The following SLC5A10 variants were observed in gnomAD, a reference collection of about 807,000 sequenced individuals.
SLC5A10 encodes the protein solute carrier family 5 member 10, also known as sodium/mannose cotransporter SLC5A10.
In SLC5A10, 55 loss-of-function variants were observed where a neutral mutation model predicts 68.9. The observed-to-expected ratio is 0.80, with a 90% CI of 0.64 to 1.00. SLC5A10 has a LOEUF of 1.00. Among genes scored for constraint, SLC5A10 ranks in the 50% least tolerant of loss-of-function variants. SLC5A10 has a pLI of 0.00. For synonymous variants in SLC5A10, 344 were observed against 344.8 expected, an observed-to-expected ratio of 1.00 and a Z score of 0.02; for missense variants, 732 against 819.3, an observed-to-expected ratio of 0.89 and a Z score of 1.30.
chr17:19,020,547 T>TGTGA lies in SLC5A10; in HGVS notation c.*116_*117insGTGA. 1 of 982,800 alleles carries TGTGA rather than the reference T, an allele frequency of 1.0e-6. No homozygotes were observed. The highest frequency in any genetic ancestry group is 1.5e-6 in the Non-Finnish European group (1 of 668,058). 60.9% of individuals were successfully genotyped at this position (982,800 alleles called of 1,614,324 possible). A position where few individuals can be genotyped will look rare whatever the true frequency, so the allele number is the denominator to read the frequency against. ...ATTCCCCTCACAGCTGCACAGCAGC[T>TGTGA]CGGTGCCCAAGAACTGGCCAAGCCA... On this transcript the variant is annotated 3_prime_UTR_variant, in exon 15 of 15. Coordinates refer to ENST00000395645, the MANE Select transcript of SLC5A10 (RefSeq NM_001042450.4).
At chr17:18,967,852 G>A (rs965747884) in intron 5 of SLC5A10, among the ~76,000 whole-genome samples, 4 of 151,912 alleles carry the variant, frequency 2.6e-5, no homozygotes, top group Middle Eastern at 3.2e-3. Flanking sequence ...TTCTCTACTT[G>A]GGCTGGAGGC....
intron 1 of SLC5A10, among the ~76,000 whole-genome samples, chr17:18,955,440 G>A (rs2151990012): frequency 6.6e-6 from 1 of 152,342 alleles, no homozygotes; most frequent in Admixed American, 6.5e-5. Context: ...AGATCAAGAA[G>A]TTGAAGCCAA....
chr17:19,020,112 GCCATCC>G, intron 13 of SLC5A10, 37 bp from the exon 14 acceptor site: 44 of 551,428 alleles, frequency 8.0e-5, no homozygotes, highest in Non-Finnish European at 1.1e-4. Flanking sequence ...CCCCCACCCT[GCCATCC>G]CCCACCCCCA....
Position 18,971,780 on chromosome 17 carries a change from G to A in SLC5A10, c.846+562G>A. On this transcript the variant is annotated intron_variant, in intron 8 of 14. Coordinates refer to ENST00000395645, the MANE Select transcript of SLC5A10 (RefSeq NM_001042450.4). The surrounding 1 kb of genome is among the most constrained non-coding windows in gnomAD (Gnocchi z 5.5). ...GAGAGAGAGCAGAGAGTGAGGCTGA[G>A]CAAGAAGGGCCAACCCCGCCCCAGC... 1 of 1,526,736 alleles carries A rather than the reference G, an allele frequency of 6.5e-7. No individual in the cohort carries two copies. Among genetic ancestry groups the A allele is most frequent in the African/African-American group, 1.4e-5 (1 of 72,402 alleles). The allele number at this position is 1,526,736 out of a possible 1,614,324, so 94.6% of individuals were successfully genotyped here.
rs1243042139 is a variant in SLC5A10, at chr17:19,021,021, T to C, written c.*590T>C. On this transcript the variant is annotated 3_prime_UTR_variant, in exon 15 of 15. Transcript: ENST00000395645. This position sits in a 1 kb window ranked among gnomAD's most constrained non-coding sequence, Gnocchi z 4.1. ...CCAGGCTCTGGGCAGGCCCTGCTCA[T>C]ATCCCTGATCATGGCACATTCTCTG... The C allele has an allele frequency of 6.5e-6, 1 of 153,734 alleles. No homozygotes were observed. Among genetic ancestry groups the C allele is most frequent in the African/African-American group, 2.4e-5 (1 of 41,462 alleles). 9.5% of individuals were successfully genotyped at this position (153,734 alleles called of 1,614,324 possible). A position where few individuals can be genotyped will look rare whatever the true frequency, so the allele number is the denominator to read the frequency against.
chr17:18,967,628 T>C (rs2042738131), intron 5 of SLC5A10, among the ~76,000 whole-genome samples: 1 of 152,228 alleles, frequency 6.6e-6, no homozygotes, highest in Non-Finnish European at 1.5e-5. Context: ...GCAGTGACTG[T>C]AGGACAGAAG....
At chr17:19,014,466 T>C (rs1010202030) in intron 10 of SLC5A10, among the ~76,000 whole-genome samples, 5 of 152,166 alleles carry the variant, frequency 3.3e-5, no homozygotes, top group Non-Finnish European at 5.9e-5. Context: ...GGTCCTGCCA[T>C]GCACAGGAAG....
chr17:18,951,932 C>G (rs1261861588), upstream of SLC5A10: 7 of 445,124 alleles, frequency 1.6e-5, no homozygotes, highest in Admixed American at 2.8e-4. Flanking sequence ...CCCCAAGCCC[C>G]CTCCGAGTTC....
rs140476562 is a variant in SLC5A10, at chr17:18,996,946, C to T, written c.983-16464C>T. Among the ~76,000 whole-genome samples the T allele has an allele frequency of 5.9e-3, 906 of 152,316 alleles. 7 individuals carry two copies. Among genetic ancestry groups the T allele is most frequent in the African/African-American group, 0.02 (837 of 41,568 alleles). On this transcript the variant is annotated intron_variant, in intron 9 of 14. Coordinates refer to ENST00000395645, the MANE Select transcript of SLC5A10 (RefSeq NM_001042450.4). The surrounding 1 kb of genome is among the most constrained non-coding windows in gnomAD (Gnocchi z 4.4). ...CATGCCTTCCCTGGGTGGCCCATGG[C>T]GGGTCACTTCCCACTCTAAGCCTCA...
intron 8 of SLC5A10, among the ~76,000 whole-genome samples, chr17:18,972,051 T>C (rs2042869485): frequency 6.6e-6 from 1 of 151,928 alleles, no homozygotes; most frequent in Non-Finnish European, 1.5e-5. Context: ...CTGAATGGGG[T>C]TGTTGGAGGC....
At position 19,019,811 on chromosome 17, in the gene SLC5A10, G is replaced by GAA. The variant is rs2044224276; in HGVS notation, c.1509_1510insAA (p.Arg504AsnfsTer32). ...CCCCACCGTGCGGAGAGCCAGACAC[G>GAA]CGGCCAGCCGTCCTGGGGAGCATCC... On this transcript the variant is annotated frameshift_variant, in exon 13 of 15. Coordinates refer to ENST00000395645, the MANE Select transcript of SLC5A10 (RefSeq NM_001042450.4). LOFTEE classifies it high-confidence loss of function. 6.2e-7 allele frequency: 1 copy of GAA among 1,613,234 alleles called. No individual in the cohort carries two copies. Among genetic ancestry groups the GAA allele is most frequent in the Non-Finnish European group, 8.5e-7 (1 of 1,179,870 alleles).
At chr17:18,982,815 C>A (rs965183148) in intron 9 of SLC5A10, among the ~76,000 whole-genome samples, 1 of 152,234 alleles carries the variant, frequency 6.6e-6, no homozygotes, top group Non-Finnish European at 1.5e-5. Flanking sequence ...CATTCCTGAG[C>A]TCCAGTCAAA....
At chr17:18,967,078 G>A (rs1454921456) in intron 5 of SLC5A10, among the ~76,000 whole-genome samples, 5 of 152,302 alleles carry the variant, frequency 3.3e-5, no homozygotes, top group African/African-American at 1.2e-4. Flanking sequence ...AAGCTGCCCC[G>A]GCCCACAGAG....
At chr17:18,973,682 G>C (rs950182558) in intron 8 of SLC5A10, among the ~76,000 whole-genome samples, 6 of 152,096 alleles carry the variant, frequency 3.9e-5, no homozygotes, top group Non-Finnish European at 7.4e-5. Context: ...GCAGTTCTGT[G>C]TGTTGAGACC....
At chr17:19,016,630 C>A in intron 11 of SLC5A10, among the ~76,000 whole-genome samples, 1 of 152,182 alleles carries the variant, frequency 6.6e-6, no homozygotes, top group East Asian at 1.9e-4. Flanking sequence ...ACGCCAGAGG[C>A]GGGTGCGAGT....
chr17:18,973,152 C>A (rs545733276), intron 8 of SLC5A10, among the ~76,000 whole-genome samples: 1 of 152,336 alleles, frequency 6.6e-6, no homozygotes, highest in African/African-American at 2.4e-5. Flanking sequence ...GCACAGTAGG[C>A]AAGTGGTACC....
rs767942923 is a variant in SLC5A10, at chr17:19,003,538, C to T, written c.983-9872C>T. 6.5e-7 allele frequency: 1 copy of T among 1,540,394 alleles called. No individual in the cohort carries two copies. The highest frequency in any genetic ancestry group is 1.3e-5 in the South Asian group (1 of 79,458). ...GCCTCACCTTCTGTGCCTGGCTGAT[C>T]ATCTTCCGCACCACCTCTTTGATGT... On this transcript the variant is annotated intron_variant, in intron 9 of 14. Transcript: ENST00000395645. The surrounding 1 kb of genome is among the most constrained non-coding windows in gnomAD (Gnocchi z 4.5).
intron 9 of SLC5A10, among the ~76,000 whole-genome samples, chr17:18,998,291 G>A (rs2043618298): frequency 6.6e-6 from 1 of 152,224 alleles, no homozygotes; most frequent in South Asian, 2.1e-4. Context: ...TCAAGACAAG[G>A]CCTGATCCCC....
At chr17:18,986,577 C>T (rs1002535775) in intron 9 of SLC5A10, among the ~76,000 whole-genome samples, 2 of 152,348 alleles carry the variant, frequency 1.3e-5, no homozygotes, top group Admixed American at 1.3e-4. Context: ...CCCACCTGCC[C>T]CATTGCCTCC....
Sources: gnomAD v4.1 joint callset for allele counts (sites outside exome capture counted in the v4.1 genomes callset) on GRCh38, gnomAD v4.1.1 for gene constraint, Gnocchi (gnomAD v3.1) non-coding constraint, MANE v1.5 for transcripts, NCBI Gene and HGNC (gene_info 2026-07-23, HGNC 2026-07-21) for gene names.